SPAG9: variants seen among roughly 807,000 people sequenced by gnomAD.
The protein encoded by SPAG9 is sperm associated antigen 9.
A neutral mutation model predicts 166.5 loss-of-function variants in SPAG9; 35 were observed. The ratio of observed to expected loss-of-function variants is 0.21; its 90% CI spans 0.16 to 0.28. The LOEUF (loss-of-function observed/expected upper bound fraction) is 0.28, where lower values mean the gene tolerates loss of function less well. Ranked by LOEUF, SPAG9 falls within the 10% of genes least tolerant of loss-of-function variation. The pLI is 1.00. For missense variants in SPAG9, 1,235 were observed against 1,603.3 expected, an observed-to-expected ratio of 0.77 and a Z score of 3.92; for synonymous variants, 534 against 565.5, an observed-to-expected ratio of 0.94 and a Z score of 0.79.
Position 51,120,762 on chromosome 17 carries a change from AGCCCGGGCCGGGGCTGGG to A in SPAG9, c.-124_-107del. Reference sequence around the variant, plus strand: ...GGGCTGGGACGGGTACTAGGGCTGGAGCCCGGGCCGGGGCTGGGGCTGGGCCCGGCGGGGTGGGGGCCG... The same window carrying A: ...GGGCTGGGACGGGTACTAGGGCTGGAGCTGGGCCCGGCGGGGTGGGGGCCG... On this transcript the variant is annotated 5_prime_UTR_variant, in exon 1 of 30. Transcript: ENST00000262013. This position sits in a 1 kb window ranked among gnomAD's most constrained non-coding sequence, Gnocchi z 4.7. 13 of 1,015,176 alleles carry A rather than the reference AGCCCGGGCCGGGGCTGGG, an allele frequency of 1.3e-5. No homozygotes were observed. Among genetic ancestry groups the A allele is most frequent in the Non-Finnish European group, 1.8e-5 (13 of 735,190 alleles). The allele number at this position is 1,015,176 out of a possible 1,614,324, so 62.9% of individuals were successfully genotyped here. A position where few individuals can be genotyped will look rare whatever the true frequency, so the allele number is the denominator to read the frequency against.
chr17:51,041,176 C>T (rs2046823124), intron 5 of SPAG9, among the ~76,000 whole-genome samples: 3 of 152,078 alleles, frequency 2.0e-5, no homozygotes, highest in South Asian at 2.1e-4. Context: ...CTGGTAATAG[C>T]GATTTTCAAT....
At chr17:51,010,598 T>TAC (rs1447074623) in intron 9 of SPAG9, among the ~76,000 whole-genome samples, 5 of 146,924 alleles carry the variant, frequency 3.4e-5, no homozygotes, top group African/African-American at 1.2e-4. Context: ...TATATATATA[T>TAC]ATACATATAT....
Position 51,031,634 on chromosome 17 carries a change from T to A in SPAG9, c.783+47A>T, listed in dbSNP as rs185590321. The A allele has an allele frequency of 3.3e-5, 44 of 1,345,154 alleles. 1 individual carries two copies. In the African/African-American group the frequency reaches 5.4e-4, roughly 16 times the overall value. 83.3% of individuals were successfully genotyped at this position (1,345,154 alleles called of 1,614,324 possible). A position where few individuals can be genotyped will look rare whatever the true frequency, so the allele number is the denominator to read the frequency against. Reference sequence around the variant, plus strand: ...AGTTGAGGAAGTAATCAATAGTTAATCACTTTAGTATACTTTTTGCAAAAT... The same window carrying A: ...AGTTGAGGAAGTAATCAATAGTTAAACACTTTAGTATACTTTTTGCAAAAT... On this transcript the variant is annotated intron_variant, in intron 6 of 29. Transcript: ENST00000262013.
At chr17:50,971,038 G>A (rs997196327) in intron 28 of SPAG9, among the ~76,000 whole-genome samples, 182 bp from the exon 29 acceptor site, 1 of 152,058 alleles carries the variant, frequency 6.6e-6, no homozygotes, top group East Asian at 1.9e-4. Flanking sequence ...TTAAGAACCC[G>A]ATTTGAGGTC....
intron 27 of SPAG9, 32 bp from the exon 28 acceptor site, chr17:50,974,979 T>G: frequency 6.2e-7 from 1 of 1,600,766 alleles, no homozygotes; most frequent in African/African-American, 1.3e-5. Flanking sequence ...CCAAATATTT[T>G]CCCCTAGAAA....
intron 5 of SPAG9, among the ~76,000 whole-genome samples, chr17:51,036,216 G>C (rs2046578501): frequency 6.6e-6 from 1 of 151,968 alleles, no homozygotes; most frequent in African/African-American, 2.4e-5. Context: ...TCCACCTCAA[G>C]TTATCCTTTT....
chr17:50,966,089 C>G lies in SPAG9; in HGVS notation c.*183G>C. ...GTTACCTATAACACTGGTGCAGTAA[C>G]ACAGCTAGTTCCTCTGTATTGTTAT... On this transcript the variant is annotated 3_prime_UTR_variant, in exon 30 of 30. Coordinates refer to ENST00000262013, the MANE Select transcript of SPAG9 (RefSeq NM_001130528.3). 1 of 579,254 alleles carries G rather than the reference C, an allele frequency of 1.7e-6. No individual in the cohort carries two copies. The highest frequency in any genetic ancestry group is 2.9e-5 in the Admixed American group (1 of 34,042). The allele number at this position is 579,254 out of a possible 1,614,324, so 35.9% of individuals were successfully genotyped here. A position where few individuals can be genotyped will look rare whatever the true frequency, so the allele number is the denominator to read the frequency against.
chr17:50,982,690 G>C lies in SPAG9; in HGVS notation c.3089-18C>G, dbSNP rs199649653. ...CTGCCCATCTTTAAAAAAAATAAAA[G>C]GTTATAGTAAATACATACCACCTGT... On this transcript the variant is annotated intron_variant, in intron 24 of 29. Coordinates refer to ENST00000262013, the MANE Select transcript of SPAG9 (RefSeq NM_001130528.3). 1,548 of 1,592,474 alleles carry C rather than the reference G, an allele frequency of 9.7e-4. 16 individuals are homozygous for C. Among genetic ancestry groups the C allele is most frequent in the Non-Finnish European group, 4.7e-4 (548 of 1,172,006 alleles).
chr17:51,017,743 G>A (rs1224484092), intron 8 of SPAG9, among the ~76,000 whole-genome samples: 1 of 152,100 alleles, frequency 6.6e-6, no homozygotes, highest in Admixed American at 6.6e-5. Context: ...TTTATTGAAT[G>A]GGGCATTTTG....
intron 29 of SPAG9, 70 bp downstream of exon 29, chr17:50,970,637 T>A: frequency 7.4e-7 from 1 of 1,348,758 alleles, no homozygotes. Context: ...AGTGGTTTCT[T>A]ATTTACTTTG....
rs58721041 is a variant in SPAG9 at position 51,099,759 on chromosome 17, TAAAAAAAAAAAAAAAA to T, written c.304-20071_304-20056del. ...TGTTATGAAAATATTCTTCTATTAC[TAAAAAAAAAAAAAAAA>T]AAAAAAAAAAAAAACTAGAAATTGT... On this transcript the variant is annotated intron_variant, in intron 1 of 29. Coordinates refer to ENST00000262013, the MANE Select transcript of SPAG9 (RefSeq NM_001130528.3). Among the ~76,000 whole-genome samples, 15 of 43,654 alleles carry T rather than the reference TAAAAAAAAAAAAAAAA, an allele frequency of 3.4e-4. No individual in the cohort carries two copies. The Admixed American group carries it at 3.8e-3, about 11-fold the overall frequency. 28.6% of individuals were successfully genotyped at this position (43,654 alleles called of 152,430 possible).
At chr17:50,975,946 A>C in intron 27 of SPAG9, 1 of 1,439,626 alleles carries the variant, frequency 6.9e-7, no homozygotes, top group Non-Finnish European at 9.4e-7. Context: ...GGTGCATGAC[A>C]GGGAGGAGAG....
intron 6 of SPAG9, among the ~76,000 whole-genome samples, chr17:51,030,161 A>AT (rs1173099688): frequency 1.3e-5 from 2 of 152,334 alleles, no homozygotes; most frequent in East Asian, 3.9e-4. Flanking sequence ...GCTTAGTGCT[A>AT]TACAGAATAT....
chr17:51,023,232 T>A (rs1019305533), intron 6 of SPAG9: 4 of 147,970 alleles, frequency 2.7e-5, no homozygotes, highest in African/African-American at 9.8e-5. Context: ...TATATTTTTA[T>A]AATTTATAAC....
At chr17:51,083,440 T>C (rs1352450207) in intron 1 of SPAG9, among the ~76,000 whole-genome samples, 1 of 151,746 alleles carries the variant, frequency 6.6e-6, no homozygotes, top group African/African-American at 2.4e-5. Flanking sequence ...TTTCACCATG[T>C]TGGCCGGGCC....
intron 1 of SPAG9, among the ~76,000 whole-genome samples, chr17:51,081,028 C>T (rs1238172369): frequency 6.6e-6 from 1 of 151,684 alleles, no homozygotes; most frequent in African/African-American, 2.4e-5. Context: ...TCAGCTTTGA[C>T]TCTTCTGTTT....
chr17:50,999,347 G>T, intron 14 of SPAG9: 1 of 708,400 alleles, frequency 1.4e-6, no homozygotes, highest in Non-Finnish European at 2.2e-6. Context: ...ATTTAATGGG[G>T]ATCCAGGTCA....
chr17:51,007,809 T>C (rs1368220532), intron 9 of SPAG9: 7 of 451,392 alleles, frequency 1.6e-5, no homozygotes, highest in Admixed American at 4.8e-5. Flanking sequence ...TAAAGAAAGA[T>C]AGAACCCCAA....
intron 16 of SPAG9, chr17:50,995,844 T>C (rs1350872065): frequency 3.9e-6 from 1 of 257,682 alleles, no homozygotes; most frequent in Non-Finnish European, 7.4e-6. Flanking sequence ...TTTAAATTTT[T>C]TGTAGAGATG....
Sources: allele counts gnomAD v4.1 joint callset (sites outside exome capture counted in the v4.1 genomes callset), GRCh38; gene constraint gnomAD v4.1.1; non-coding constraint Gnocchi (gnomAD v3.1); transcripts MANE v1.5; gene names NCBI Gene and HGNC (gene_info 2026-07-23, HGNC 2026-07-21).